The following IL1RAPL1 variants were observed in gnomAD, a reference collection of about 807,000 sequenced individuals.
The protein encoded by IL1RAPL1 is interleukin-1 receptor accessory protein-like 1.
A neutral mutation model predicts 48.4 loss-of-function variants in IL1RAPL1; 3 were observed. The ratio of observed to expected loss-of-function variants is 0.06; its 90% CI spans 0.03 to 0.16. The LOEUF (loss-of-function observed/expected upper bound fraction) is 0.16. Among genes scored for constraint, IL1RAPL1 ranks in the 10% least tolerant of loss-of-function variants. IL1RAPL1 has a pLI of 1.00. For synonymous variants in IL1RAPL1, 185 were observed against 187.7 expected (o/e 0.99, Z 0.12); for missense variants, 349 against 530.6 (o/e 0.66, Z 3.36).
At position 29,468,833 on chromosome X, in the gene IL1RAPL1, A is replaced by G. The variant is rs188732502; in HGVS notation, c.703+69525A>G. On this transcript the variant is annotated intron_variant, in intron 5 of 10. Coordinates refer to ENST00000378993, the MANE Select transcript of IL1RAPL1 (RefSeq NM_014271.4). ...ATTTTTCTCTCTTATAATTTTCCCA[A>G]TGAGAACTGCTCAGTTTAAATGGAC... is the stretch of plus-strand genomic sequence containing the variant. Among the ~76,000 whole-genome samples the G allele has an allele frequency of 3.7e-3, 409 of 111,966 alleles. 2 individuals are homozygous for G. Among genetic ancestry groups the G allele is most frequent in the Middle Eastern group, 9.3e-3 (2 of 216 alleles).
intron 2 of IL1RAPL1, among the ~76,000 whole-genome samples, chrX:28,987,064 T>C (rs1355409468): frequency 8.9e-6 from 1 of 112,653 alleles, no homozygotes; most frequent in Non-Finnish European, 1.9e-5. Flanking sequence ...AACTCCTTTG[T>C]ACATGTGCTT....
chrX:29,552,802 C>CTTTT (rs765234944), intron 5 of IL1RAPL1, among the ~76,000 whole-genome samples: 4 of 23,008 alleles, frequency 1.7e-4, no homozygotes, highest in Admixed American at 5.9e-4. Context: ...TTTCACTCTC[C>CTTTT]TTTTTTTTTT....
intron 2 of IL1RAPL1, among the ~76,000 whole-genome samples, chrX:28,906,346 G>A (rs968608619): frequency 1.8e-5 from 2 of 112,263 alleles, no homozygotes; most frequent in African/African-American, 6.5e-5. Context: ...GGAATTTCAG[G>A]ATGAAGGAAC....
At chrX:28,873,106 C>CTTTTTTTT (rs764591682) in intron 2 of IL1RAPL1, among the ~76,000 whole-genome samples, 4 of 64,990 alleles carry the variant, frequency 6.2e-5, no homozygotes, top group African/African-American at 8.2e-5. Context: ...TTTTTTTTCA[C>CTTTTTTTT]TTTTTTTTTT....
intron 2 of IL1RAPL1, among the ~76,000 whole-genome samples, chrX:29,201,915 G>T (rs192686254): frequency 2.7e-5 from 3 of 111,757 alleles, no homozygotes; most frequent in African/African-American, 9.7e-5. Flanking sequence ...GGCTGGTTGC[G>T]AACTCCTGAC....
chrX:29,242,584 A>G (rs1373145342), intron 2 of IL1RAPL1, among the ~76,000 whole-genome samples: 1 of 112,544 alleles, frequency 8.9e-6, no homozygotes, highest in Non-Finnish European at 1.9e-5. Flanking sequence ...TATTATATGT[A>G]CAGGGATTTA....
At chrX:29,821,274 C>G (rs1930609553) in intron 6 of IL1RAPL1, among the ~76,000 whole-genome samples, 1 of 109,166 alleles carries the variant, frequency 9.2e-6, no homozygotes, top group South Asian at 4.0e-4. Flanking sequence ...ATGGTGAAAC[C>G]CCGTCTCTAC....
At chrX:29,938,164 G>T (rs1157767420) in intron 8 of IL1RAPL1, among the ~76,000 whole-genome samples, 3 of 110,573 alleles carry the variant, frequency 2.7e-5, no homozygotes. Flanking sequence ...CTCCTATCTG[G>T]GTAATTACTT....
intron 3 of IL1RAPL1, among the ~76,000 whole-genome samples, chrX:29,366,781 A>G (rs1273207341): frequency 9.2e-6 from 1 of 108,925 alleles, no homozygotes; most frequent in African/African-American, 3.3e-5. Context: ...GTTAGTCAGG[A>G]TGGTCTCGAT....
intron 1 of IL1RAPL1, among the ~76,000 whole-genome samples, chrX:28,750,579 T>C (rs1056673579): frequency 8.9e-6 from 1 of 111,868 alleles, no homozygotes; most frequent in Admixed American, 9.5e-5. Flanking sequence ...GCTTTCATCA[T>C]AGTCCTTTGT....
At chrX:29,306,225 G>A (rs1932614447) in intron 3 of IL1RAPL1, among the ~76,000 whole-genome samples, 1 of 112,008 alleles carries the variant, frequency 8.9e-6, no homozygotes, top group South Asian at 3.7e-4. Flanking sequence ...ATTCCTCTCT[G>A]CTTAGAAATT....
chrX:29,030,719 T>C (rs1926598988), intron 2 of IL1RAPL1, among the ~76,000 whole-genome samples: 1 of 111,401 alleles, frequency 9.0e-6, no homozygotes, highest in African/African-American at 3.3e-5. Flanking sequence ...AGATTCGGTG[T>C]AATGATAGTT....
At chrX:29,554,432 T>C (rs112876096) in intron 5 of IL1RAPL1, among the ~76,000 whole-genome samples, 2,455 of 111,709 alleles carry the variant, frequency 0.022, 39 homozygotes, top group African/African-American at 0.057. Context: ...CCACAGTGGC[T>C]GAATCTGTTC....
chrX:29,766,350 T>G (rs1255900527), intron 6 of IL1RAPL1, among the ~76,000 whole-genome samples: 1 of 83,189 alleles, frequency 1.2e-5, no homozygotes, highest in Non-Finnish European at 2.1e-5. Flanking sequence ...AAAATATATA[T>G]ATATATATAT....
chrX:28,935,837 T>A (rs1401553715), intron 2 of IL1RAPL1, among the ~76,000 whole-genome samples: 1 of 111,867 alleles, frequency 8.9e-6, no homozygotes, highest in Non-Finnish European at 1.9e-5. Flanking sequence ...TCAGAATGGA[T>A]CTGATGCCAA....
At chrX:29,228,177 TGCAC>T (rs1426954847) in intron 2 of IL1RAPL1, among the ~76,000 whole-genome samples, 1 of 43,729 alleles carries the variant, frequency 2.3e-5, no homozygotes, top group Non-Finnish European at 3.6e-5. Context: ...GACACACGCG[TGCAC>T]ACACACACAC....
chrX:29,771,910 T>A (rs150959568), intron 6 of IL1RAPL1, among the ~76,000 whole-genome samples: 5 of 111,120 alleles, frequency 4.5e-5, no homozygotes, highest in Admixed American at 9.6e-5. Flanking sequence ...CAAGAGGACG[T>A]CTTACATGGC....
intron 2 of IL1RAPL1, among the ~76,000 whole-genome samples, chrX:29,196,861 A>C (rs1343927587): frequency 2.7e-5 from 3 of 110,110 alleles, no homozygotes; most frequent in Admixed American, 9.9e-5. Flanking sequence ...ATATAATATA[A>C]TACTATACTA....
intron 2 of IL1RAPL1, among the ~76,000 whole-genome samples, chrX:28,803,458 CT>C (rs1187080618): frequency 9.0e-6 from 1 of 111,592 alleles, no homozygotes; most frequent in Non-Finnish European, 1.9e-5. Flanking sequence ...AAAGCAGTTA[CT>C]TTTATCTGCA....
Sources: allele counts gnomAD v4.1 joint callset (sites outside exome capture counted in the v4.1 genomes callset), GRCh38; gene constraint gnomAD v4.1.1; transcripts MANE v1.5; gene names NCBI Gene and HGNC (gene_info 2026-07-23, HGNC 2026-07-21).